The following PCDHGB6 variants were observed in gnomAD, a reference collection of about 807,000 sequenced individuals.
The protein encoded by PCDHGB6 is protocadherin gamma-B6.
A neutral mutation model predicts 59.1 loss-of-function variants in PCDHGB6; 51 were observed. That is an observed-to-expected ratio of 0.86 (90% CI 0.69 to 1.09). The LOEUF (loss-of-function observed/expected upper bound fraction) is 1.09, where lower values mean the gene tolerates loss of function less well. Among genes scored for constraint, PCDHGB6 ranks in the 50% least tolerant of loss-of-function variants. The probability of loss-of-function intolerance (pLI) is 0.00; values close to 1 mark genes in which losing one functional copy is unlikely to be tolerated. For synonymous variants in PCDHGB6, 466 were observed against 495.1 expected (o/e 0.94, Z 0.78); for missense variants, 1,148 against 1,205.1 (o/e 0.95, Z 0.70).
Position 141,491,793 on chromosome 5 carries a change from C to T in PCDHGB6, c.2419-3014C>T, listed in dbSNP as rs2099730341. 4.0e-6 allele frequency: 6 copies of T among 1,511,410 alleles called. No individual in the cohort carries two copies. Among genetic ancestry groups the T allele is most frequent in the East Asian group, 2.5e-5 (1 of 40,660 alleles). The allele number at this position is 1,511,410 out of a possible 1,614,324, so 93.6% of individuals were successfully genotyped here. A position where few individuals can be genotyped will look rare whatever the true frequency, so the allele number is the denominator to read the frequency against. On this transcript the variant is annotated intron_variant, in intron 1 of 3. Transcript: ENST00000520790. This position sits in a 1 kb window ranked among gnomAD's most constrained non-coding sequence, Gnocchi z 6.9. ...AGGGATTGAACTTGCATCCACTCCT[C>T]TCCGGCCGGCTTGGTCGCTGGCTGC...
At chr5:141,507,931 G>A (rs1442781255) in intron 3 of PCDHGB6, 1 of 152,326 alleles carries the variant, frequency 6.6e-6, no homozygotes, top group African/African-American at 2.4e-5. Context: ...CTGCTGAGAG[G>A]GGTTAAGTAA....
chr5:141,450,985 C>T (rs533993975), intron 1 of PCDHGB6, among the ~76,000 whole-genome samples: 22 of 151,876 alleles, frequency 1.4e-4, no homozygotes, highest in African/African-American at 3.9e-4. Flanking sequence ...CCACCACACC[C>T]GGCTAATTTT....
At chr5:141,484,899 T>G (rs1296997337) in intron 1 of PCDHGB6, 9 of 398,498 alleles carry the variant, frequency 2.3e-5, no homozygotes, top group Non-Finnish European at 3.1e-5. Flanking sequence ...TCCCCTCCAA[T>G]GCTGCGACGC....
Position 141,505,556 on chromosome 5 carries a change from C to T in PCDHGB6, c.2566+75C>T, listed in dbSNP as rs2233611. ...GGGTGCATCTCACAGCCACCATGCC[C>T]ACGGACTGGATGTCAAACCTGTGTA... On this transcript the variant is annotated intron_variant, in intron 3 of 3. Transcript: ENST00000520790. 1,282 of 1,606,040 alleles carry T rather than the reference C, an allele frequency of 8.0e-4. 6 individuals are homozygous for T. In the African/African-American group the frequency reaches 0.013, roughly 16 times the overall value.
In PCDHGB6 at chr5:141,476,506, C is replaced by T; in HGVS notation, c.2419-18301C>T. 1 of 1,614,068 alleles carries T rather than the reference C, an allele frequency of 6.2e-7. No homozygotes were observed. ...AAGTGGTGATCCAGGACATCAACGA[C>T]AACAATCCTGCTTTCCCTACCCAGG... On this transcript the variant is annotated intron_variant, in intron 1 of 3. Transcript: ENST00000520790. This position sits in a 1 kb window ranked among gnomAD's most constrained non-coding sequence, Gnocchi z 7.6.
chr5:141,442,716 G>A (rs1367250926), intron 1 of PCDHGB6, among the ~76,000 whole-genome samples: 1 of 152,206 alleles, frequency 6.6e-6, no homozygotes, highest in East Asian at 1.9e-4. Context: ...ACATGCCAGA[G>A]CATTTGGGGC....
intron 1 of PCDHGB6, chr5:141,475,984 G>T: frequency 1.9e-6 from 2 of 1,069,308 alleles, no homozygotes; most frequent in South Asian, 3.1e-5. Context: ...AACAGCCGGC[G>T]AGCAAATCAA....
In PCDHGB6 at chr5:141,409,919, G is replaced by C. The variant is rs774277848; in HGVS notation, c.1717G>C (p.Ala573Pro). The change falls in exon 1 of 4, where the codon GCG becomes CCG. Residue 573 changes from alanine to proline, a missense_variant. Around this residue, in one of 5 missense-constraint regions of PCDHGB6, gnomAD observed 549 missense variants for 527.5 expected, o/e 1.04. Transcript: ENST00000520790. ...LYPALGPDGS[A>P]FFDMVPRSAE... ...CCCAGCTCTGGGTCCTGACGGCTCC[G>C]CGTTCTTCGATATGGTACCTCGCTC... 6.2e-7 allele frequency: 1 copy of C among 1,613,346 alleles called. No individual in the cohort carries two copies. Among genetic ancestry groups the C allele is most frequent in the South Asian group, 1.1e-5 (1 of 91,080 alleles).
chr5:141,490,030 C>G lies in PCDHGB6; in HGVS notation c.2419-4777C>G, dbSNP rs1361758608. The G allele has an allele frequency of 1.2e-6, 2 of 1,614,150 alleles. No individual in the cohort carries two copies. Among genetic ancestry groups the G allele is most frequent in the African/African-American group, 2.7e-5 (2 of 74,936 alleles). The stretch of plus-strand genomic sequence containing the variant: ...ACCCATTGGTACTCTGCTGCTCCGC[C>G]TCAATGCCACTGATCCAGACGAGGG... On this transcript the variant is annotated intron_variant, in intron 1 of 3. Coordinates refer to ENST00000520790, the MANE Select transcript of PCDHGB6 (RefSeq NM_018926.3). This position sits in a 1 kb window ranked among gnomAD's most constrained non-coding sequence, Gnocchi z 5.4.
At chr5:141,414,947 T>C (rs1422289231) in intron 1 of PCDHGB6, 1 of 1,614,052 alleles carries the variant, frequency 6.2e-7, no homozygotes, top group Non-Finnish European at 8.5e-7. Context: ...CCCGGCTACC[T>C]GGTGACCAAG....
At chr5:141,418,393 C>A in intron 1 of PCDHGB6, 1 of 1,613,984 alleles carries the variant, frequency 6.2e-7, no homozygotes, top group Non-Finnish European at 8.5e-7. Context: ...ACGAGTATTT[C>A]TCATTGGTGG....
Position 141,489,793 on chromosome 5 carries a change from C to T in PCDHGB6, c.2419-5014C>T, listed in dbSNP as rs749700050. On this transcript the variant is annotated intron_variant, in intron 1 of 3. Transcript: ENST00000520790. The surrounding 1 kb of genome is among the most constrained non-coding windows in gnomAD (Gnocchi z 4.5). ...CCACTTCTCTCTGAATGTGAAGACC[C>T]TAAAAGATGGGAAGCCATTCCCAGA... The T allele has an allele frequency of 6.2e-7, 1 of 1,614,044 alleles. No homozygotes were observed. Among genetic ancestry groups the T allele is most frequent in the Non-Finnish European group, 8.5e-7 (1 of 1,180,010 alleles).
At chr5:141,421,960 C>G in intron 1 of PCDHGB6, 3 of 1,612,526 alleles carry the variant, frequency 1.9e-6, no homozygotes, top group Non-Finnish European at 2.5e-6. Context: ...AATGTTTACA[C>G]AGTCCGTATA....
rs1267965791 is a variant in PCDHGB6, at chr5:141,431,329, G to C, written c.2418+20709G>C. 1 of 1,614,002 alleles carries C rather than the reference G, an allele frequency of 6.2e-7. No individual in the cohort carries two copies. Among genetic ancestry groups the C allele is most frequent in the East Asian group, 2.2e-5 (1 of 44,904 alleles). On this transcript the variant is annotated intron_variant, in intron 1 of 3. Coordinates refer to ENST00000520790, the MANE Select transcript of PCDHGB6 (RefSeq NM_018926.3). The surrounding 1 kb of genome is among the most constrained non-coding windows in gnomAD (Gnocchi z 4.8). ...TGCAAAATGGAGCCGACGGTAGTAA[G>C]TACCCCGAATTGGTGCTGAAACGCG...
intron 1 of PCDHGB6, among the ~76,000 whole-genome samples, chr5:141,488,423 T>C (rs1204233986): frequency 2.0e-5 from 3 of 152,354 alleles, no homozygotes; most frequent in Non-Finnish European, 4.4e-5. Context: ...CCATCCATGC[T>C]TGGCCTCTGA....
Position 141,485,444 on chromosome 5 carries a change from G to T in PCDHGB6, c.2419-9363G>T. 1 of 1,614,108 alleles carries T rather than the reference G, an allele frequency of 6.2e-7. No homozygotes were observed. The highest frequency in any genetic ancestry group is 8.5e-7 in the Non-Finnish European group (1 of 1,180,020). ...AGCCCTGCTCATCAAGAACCCAATC[G>T]ACCGAGAGGCACTGTGTGGGCTCAG... is the stretch of plus-strand genomic sequence containing the variant. On this transcript the variant is annotated intron_variant, in intron 1 of 3. Coordinates refer to ENST00000520790, the MANE Select transcript of PCDHGB6 (RefSeq NM_018926.3). This position sits in a 1 kb window ranked among gnomAD's most constrained non-coding sequence, Gnocchi z 5.7.
chr5:141,469,005 G>A (rs1011079995), intron 1 of PCDHGB6, among the ~76,000 whole-genome samples: 7 of 151,814 alleles, frequency 4.6e-5, no homozygotes, highest in South Asian at 2.1e-4. Context: ...TGCTGGGTGC[G>A]GTGGGTCACT....
At chr5:141,414,300 G>T in intron 1 of PCDHGB6, 7 of 1,613,560 alleles carry the variant, frequency 4.3e-6, no homozygotes, top group Non-Finnish European at 5.9e-6. Context: ...TTTTAAATGT[G>T]CATGATTTAG....
chr5:141,486,728 G>T lies in PCDHGB6; in HGVS notation c.2419-8079G>T. On this transcript the variant is annotated intron_variant, in intron 1 of 3. Coordinates refer to ENST00000520790, the MANE Select transcript of PCDHGB6 (RefSeq NM_018926.3). This position sits in a 1 kb window ranked among gnomAD's most constrained non-coding sequence, Gnocchi z 5.0. Reference sequence around the variant, plus strand: ...GAACCCCCAGACAGGAGCTGTTCATGCTACTCGATCCTTTGACTATGAGCA... The same window carrying T: ...GAACCCCCAGACAGGAGCTGTTCATTCTACTCGATCCTTTGACTATGAGCA... The T allele has an allele frequency of 6.2e-7, 1 of 1,614,200 alleles. No individual in the cohort carries two copies. The highest frequency in any genetic ancestry group is 8.5e-7 in the Non-Finnish European group (1 of 1,180,052).
Sources: gnomAD v4.1 joint callset for allele counts (sites outside exome capture counted in the v4.1 genomes callset) on GRCh38, gnomAD v4.1.1 for gene constraint, gnomAD v4.1.1 regional missense constraint, Gnocchi (gnomAD v3.1) non-coding constraint, MANE v1.5 for transcripts, NCBI Gene and HGNC (gene_info 2026-07-23, HGNC 2026-07-21) for gene names.